DRD2: variants seen among roughly 807,000 people sequenced by gnomAD.
DRD2 encodes D(2) dopamine receptor.
A neutral mutation model predicts 38.0 loss-of-function variants in DRD2; 8 were observed. The ratio of observed to expected loss-of-function variants is 0.21; its 90% CI spans 0.12 to 0.38. The LOEUF is 0.38. DRD2 is among the 10% of genes least tolerant of loss of function. The pLI is 1.00. For synonymous variants in DRD2, 230 were observed against 238.6 expected, an observed-to-expected ratio of 0.96 and a Z score of 0.33; for missense variants, 403 against 607.7, an observed-to-expected ratio of 0.66 and a Z score of 3.54.
intron 2 of DRD2, among the ~76,000 whole-genome samples, chr11:113,423,688 C>T (rs1325356922): frequency 2.0e-5 from 3 of 152,186 alleles, no homozygotes; most frequent in African/African-American, 4.8e-5. Flanking sequence ...GTGCTGCCTA[C>T]TCCCCATTTT....
At chr11:113,448,249 C>G (rs981252465) in intron 1 of DRD2, among the ~76,000 whole-genome samples, 1 of 152,208 alleles carries the variant, frequency 6.6e-6, no homozygotes, top group Non-Finnish European at 1.5e-5. Context: ...GCCAGTAGAG[C>G]ACCCAAGCCC....
intron 1 of DRD2, among the ~76,000 whole-genome samples, chr11:113,440,469 T>TTTCTGTCCCA (rs1183505844): frequency 1.3e-5 from 2 of 152,210 alleles, no homozygotes; most frequent in Non-Finnish European, 2.9e-5. Context: ...TTTGGGAGGT[T>TTTCTGTCCCA]TTCTGTCCCA....
chr11:113,436,791 G>C lies in DRD2; in HGVS notation c.-31-12109C>G, dbSNP rs1266002679. ...AATCTGCTCCTTAACCCTCACCCCAGCGCCCATCCCTAAGAAAACAGATGG... is the reference window on the plus strand; with the variant it reads ...AATCTGCTCCTTAACCCTCACCCCACCGCCCATCCCTAAGAAAACAGATGG... On this transcript the variant is annotated intron_variant, in intron 1 of 7. Transcript: ENST00000362072. 6.6e-5 allele frequency among the ~76,000 whole-genome samples: 10 copies of C among 152,226 alleles called. No homozygotes were observed. The East Asian group carries it at 1.7e-3, about 26-fold the overall frequency.
chr11:113,436,542 C>G (rs956210299), intron 1 of DRD2, among the ~76,000 whole-genome samples: 1 of 151,882 alleles, frequency 6.6e-6, no homozygotes, highest in Non-Finnish European at 1.5e-5. Context: ...TTTTTAGAGT[C>G]CTTATCCTTT....
At chr11:113,444,404 C>T (rs1002041564) in intron 1 of DRD2, among the ~76,000 whole-genome samples, 2 of 152,172 alleles carry the variant, frequency 1.3e-5, no homozygotes, top group African/African-American at 4.8e-5. Flanking sequence ...TACATGAATG[C>T]CCTAAGGTAA....
intron 1 of DRD2, among the ~76,000 whole-genome samples, chr11:113,465,140 A>G (rs1266310557): frequency 2.7e-5 from 4 of 149,876 alleles, no homozygotes; most frequent in African/African-American, 9.8e-5. Context: ...CAGTCTCACT[A>G]TGTTGCCTAG....
intron 1 of DRD2, among the ~76,000 whole-genome samples, chr11:113,467,923 A>G (rs1311617731): frequency 1.3e-5 from 2 of 152,244 alleles, no homozygotes; most frequent in Non-Finnish European, 2.9e-5. Context: ...AGAAAGAAGT[A>G]TATCCTTGAA....
chr11:113,433,134 A>C (rs536612794), intron 1 of DRD2, among the ~76,000 whole-genome samples: 1 of 152,166 alleles, frequency 6.6e-6, no homozygotes, highest in East Asian at 1.9e-4. Context: ...GGGGAGGAGA[A>C]ACAGAAAGGA....
intron 1 of DRD2, among the ~76,000 whole-genome samples, chr11:113,440,432 C>A (rs371399394): frequency 6.6e-6 from 1 of 152,186 alleles, no homozygotes; most frequent in Admixed American, 6.5e-5. Context: ...GGTTTCTCTG[C>A]GAAATGCTAC....
chr11:113,437,959 G>C (rs566021668), intron 1 of DRD2, among the ~76,000 whole-genome samples: 1 of 152,296 alleles, frequency 6.6e-6, no homozygotes, highest in East Asian at 1.9e-4. Context: ...ACAGACTGGG[G>C]GGTGCAGAGG....
At chr11:113,474,656 A>G (rs1038706319) in intron 1 of DRD2, among the ~76,000 whole-genome samples, 2 of 151,934 alleles carry the variant, frequency 1.3e-5, no homozygotes, top group African/African-American at 4.8e-5. Context: ...AAGAAGTCGG[A>G]AACTCTGGCC....
intron 1 of DRD2, among the ~76,000 whole-genome samples, chr11:113,453,490 G>A (rs1951235898): frequency 6.6e-6 from 1 of 152,194 alleles, no homozygotes; most frequent in Admixed American, 6.5e-5. Context: ...AATTACGATT[G>A]CCTGTTTTCT....
chr11:113,467,941 A>G (rs904147989), intron 1 of DRD2, among the ~76,000 whole-genome samples: 2 of 152,230 alleles, frequency 1.3e-5, no homozygotes, highest in African/African-American at 4.8e-5. Context: ...GAATTTTGTG[A>G]ACGTTTTAGA....
intron 1 of DRD2, among the ~76,000 whole-genome samples, chr11:113,466,736 T>A (rs1951373668): frequency 6.6e-6 from 1 of 152,146 alleles, no homozygotes; most frequent in Non-Finnish European, 1.5e-5. Flanking sequence ...CCATCACTTA[T>A]CCACTCACCC....
rs542050690 is a variant in DRD2 at position 113,444,367 on chromosome 11, A to G, written c.-31-19685T>C. ...TGTACTCAAAGAAATGACCCAAGAT[A>G]TGAACAGAACGTTTGGTAAATGAAT... is the stretch of plus-strand genomic sequence containing the variant. On this transcript the variant is annotated intron_variant, in intron 1 of 7. Transcript: ENST00000362072. Among the ~76,000 whole-genome samples the G allele has an allele frequency of 8.5e-5, 13 of 152,348 alleles. 1 individual carries two copies. In the South Asian group the frequency reaches 1.4e-3, roughly 17 times the overall value.
At chr11:113,411,705 C>T (rs940146148) in intron 7 of DRD2, 5 of 152,342 alleles carry the variant, frequency 3.3e-5, no homozygotes, top group African/African-American at 1.2e-4. Flanking sequence ...GGCTCCAATC[C>T]TAGCCTACCA....
intron 4 of DRD2, 105 bp downstream of exon 4, chr11:113,416,758 G>A: frequency 6.6e-7 from 1 of 1,507,038 alleles, no homozygotes; most frequent in Non-Finnish European, 9.0e-7. Flanking sequence ...GCCTCCATTG[G>A]GCCTCCACCC....
At chr11:113,429,665 G>C (rs1175962154) in intron 1 of DRD2, among the ~76,000 whole-genome samples, 1 of 152,168 alleles carries the variant, frequency 6.6e-6, no homozygotes, top group African/African-American at 2.4e-5. Flanking sequence ...CTCTCACCAT[G>C]TAAACATCAA....
At chr11:113,413,497 G>T (rs2138158397) in intron 6 of DRD2, among the ~76,000 whole-genome samples, 1 of 152,340 alleles carries the variant, frequency 6.6e-6, no homozygotes, top group African/African-American at 2.4e-5. Context: ...AGGTTCTCTT[G>T]TTTGAGGCCT....
Sources: gnomAD v4.1 joint callset for allele counts (sites outside exome capture counted in the v4.1 genomes callset) on GRCh38, gnomAD v4.1.1 for gene constraint, MANE v1.5 for transcripts, NCBI Gene and HGNC (gene_info 2026-07-23, HGNC 2026-07-21) for gene names.